MCTP1: variants seen among roughly 807,000 people sequenced by gnomAD.
The protein encoded by MCTP1 is multiple C2 and transmembrane domain-containing protein 1.
A neutral mutation model predicts 120.6 loss-of-function variants in MCTP1; 69 were observed. The observed-to-expected ratio is 0.57, with a 90% confidence interval of 0.47 to 0.70. The LOEUF (loss-of-function observed/expected upper bound fraction) is 0.70. Among genes scored for constraint, MCTP1 ranks in the 30% least tolerant of loss-of-function variants. The pLI, the probability that MCTP1 is intolerant of heterozygous loss-of-function variation, is 0.00. For missense variants in MCTP1, 1,203 were observed against 1,248.8 expected, an observed-to-expected ratio of 0.96 and a Z score of 0.55; for synonymous variants, 529 against 493.1, an observed-to-expected ratio of 1.07 and a Z score of -0.96.
At chr5:95,020,794 G>T (rs920964031) in intron 1 of MCTP1, among the ~76,000 whole-genome samples, 5 of 151,922 alleles carry the variant, frequency 3.3e-5, no homozygotes, top group Non-Finnish European at 2.9e-5. Flanking sequence ...GAACCTATGT[G>T]TTTTCTTAGT....
Position 94,964,129 on chromosome 5 carries a change from CT to C in MCTP1, c.839-10769del, listed in dbSNP as rs1176118675. 2.6e-5 allele frequency among the ~76,000 whole-genome samples: 4 copies of C among 152,180 alleles called. No homozygotes were observed. In the East Asian group the frequency reaches 7.7e-4, roughly 29 times the overall value. ...ATTTATTTCTGGGCTCTGTATTCTG[CT>C]TTGTTGGCCTATGTGTCTGCTTTTA... On this transcript the variant is annotated intron_variant, in intron 2 of 22. Transcript: ENST00000515393.
At chr5:94,990,452 A>G (rs959459863) in intron 2 of MCTP1, among the ~76,000 whole-genome samples, 1 of 152,182 alleles carries the variant, frequency 6.6e-6, no homozygotes, top group Non-Finnish European at 1.5e-5. Context: ...TGAGGCCTTT[A>G]GCTGCCAGAG....
intron 17 of MCTP1, among the ~76,000 whole-genome samples, chr5:94,831,385 A>G (rs149324435): frequency 6.8e-4 from 103 of 152,344 alleles, no homozygotes; most frequent in Non-Finnish European, 1.0e-3. Context: ...CCACTGCTAT[A>G]TGTTTCCAAT....
chr5:95,051,090 T>A (rs1745789348), intron 1 of MCTP1, among the ~76,000 whole-genome samples: 1 of 152,154 alleles, frequency 6.6e-6, no homozygotes, highest in Non-Finnish European at 1.5e-5. Context: ...TGTGAGCCAA[T>A]AAATTTCTGC....
chr5:94,942,293 A>G, intron 4 of MCTP1, 55 bp downstream of exon 4: 1 of 1,320,380 alleles, frequency 7.6e-7, no homozygotes. Context: ...ATTTTCTGTT[A>G]CACAAGCCCA....
intron 10 of MCTP1, among the ~76,000 whole-genome samples, chr5:94,903,424 A>T (rs753097516): frequency 6.6e-6 from 1 of 152,156 alleles, no homozygotes; most frequent in Non-Finnish European, 1.5e-5. Context: ...TATTTTCCTC[A>T]TTTGCCACAT....
At chr5:94,965,122 T>C (rs1056259083) in intron 2 of MCTP1, among the ~76,000 whole-genome samples, 1 of 152,210 alleles carries the variant, frequency 6.6e-6, no homozygotes, top group Non-Finnish European at 1.5e-5. Flanking sequence ...GAATCATTTC[T>C]TATAATCGAG....
chr5:94,862,413 G>T (rs542230817), intron 17 of MCTP1, among the ~76,000 whole-genome samples: 5 of 151,894 alleles, frequency 3.3e-5, no homozygotes, highest in African/African-American at 1.2e-4. Flanking sequence ...AAGGGCATTG[G>T]CATCATTTAA....
At chr5:95,100,081 C>T (rs1285905608) in intron 1 of MCTP1, among the ~76,000 whole-genome samples, 5 of 141,168 alleles carry the variant, frequency 3.5e-5, no homozygotes, top group Non-Finnish European at 6.0e-5. Flanking sequence ...AATGAGAACA[C>T]GTGGACACAG....
chr5:94,760,641 A>G (rs75730909), intron 19 of MCTP1, among the ~76,000 whole-genome samples: 1,838 of 152,264 alleles, frequency 0.012, 32 homozygotes, highest in African/African-American at 0.042. Flanking sequence ...AGCTCCAGGC[A>G]TATAGGAAAT....
At chr5:94,802,216 G>A (rs1029893250) in intron 17 of MCTP1, among the ~76,000 whole-genome samples, 2 of 152,114 alleles carry the variant, frequency 1.3e-5, no homozygotes, top group Non-Finnish European at 2.9e-5. Context: ...TAAAACATGA[G>A]AGCTTTGAAT....
intron 1 of MCTP1, among the ~76,000 whole-genome samples, chr5:95,228,818 C>G (rs1256868268): frequency 1.3e-5 from 2 of 152,122 alleles, no homozygotes; most frequent in East Asian, 3.9e-4. Context: ...CTCTCTTGTT[C>G]CTGCTTTCAC....
chr5:95,165,599 T>TA (rs1201176937), intron 1 of MCTP1, among the ~76,000 whole-genome samples: 2 of 152,182 alleles, frequency 1.3e-5, no homozygotes, highest in Admixed American at 6.5e-5. Flanking sequence ...TCAGAGGATA[T>TA]AGCTGTCTGC....
chr5:94,867,306 G>A, intron 17 of MCTP1: 1 of 1,531,104 alleles, frequency 6.5e-7, no homozygotes, highest in Non-Finnish European at 8.7e-7. Context: ...CTAACTTTCT[G>A]GTAACTTACA....
chr5:95,087,440 C>A (rs1052542227), intron 1 of MCTP1, among the ~76,000 whole-genome samples: 3 of 152,172 alleles, frequency 2.0e-5, no homozygotes, highest in Non-Finnish European at 2.9e-5. Flanking sequence ...TGAATGAAGG[C>A]AGCACTCAAG....
chr5:95,111,660 A>C (rs1757462951), intron 1 of MCTP1, among the ~76,000 whole-genome samples: 1 of 152,192 alleles, frequency 6.6e-6, no homozygotes, highest in East Asian at 1.9e-4. Flanking sequence ...TGAAAACCAT[A>C]TATGCAAAAA....
At chr5:94,838,056 G>T (rs1272782059) in intron 17 of MCTP1, among the ~76,000 whole-genome samples, 1 of 152,158 alleles carries the variant, frequency 6.6e-6, no homozygotes, top group Non-Finnish European at 1.5e-5. Flanking sequence ...TCTTGGATTT[G>T]ATTTGGCTCT....
At chr5:94,812,388 C>G (rs193035183) in intron 17 of MCTP1, among the ~76,000 whole-genome samples, 21 of 146,910 alleles carry the variant, frequency 1.4e-4, no homozygotes, top group Admixed American at 8.3e-4. Context: ...TGGTAGATGG[C>G]TATTGTAAAA....
intron 10 of MCTP1, among the ~76,000 whole-genome samples, chr5:94,899,472 G>A (rs1283195902): frequency 1.3e-5 from 2 of 152,170 alleles, no homozygotes; most frequent in Non-Finnish European, 2.9e-5. Context: ...TTTCTGCCAA[G>A]GTGCATCCAG....
Sources: allele counts gnomAD v4.1 joint callset (sites outside exome capture counted in the v4.1 genomes callset), GRCh38; gene constraint gnomAD v4.1.1; transcripts MANE v1.5; gene names NCBI Gene and HGNC (gene_info 2026-07-23, HGNC 2026-07-21).